Variants in FSIP2 observed in about 807,000 individuals in gnomAD.
FSIP2 encodes the protein fibrous sheath interacting protein 2.
A neutral mutation model predicts 510.5 loss-of-function variants in FSIP2; 367 were observed. The ratio of observed to expected loss-of-function variants is 0.72; its 90% CI spans 0.66 to 0.78. FSIP2 has a LOEUF of 0.78. FSIP2 is among the 30% of genes least tolerant of loss of function. FSIP2 has a pLI of 0.00. For missense variants in FSIP2, 7,594 were observed against 7,901.7 expected (o/e 0.96, Z 1.48); for synonymous variants, 2,601 against 2,732.2 (o/e 0.95, Z 1.50).
At chr2:185,755,808 G>T (rs1332199653) in intron 8 of FSIP2, among the ~76,000 whole-genome samples, 1 of 151,466 alleles carries the variant, frequency 6.6e-6, no homozygotes, top group African/African-American at 2.4e-5. Flanking sequence ...ATATATATGT[G>T]CATTTGCTTA....
At chr2:185,738,205 C>A (rs568719795), upstream of FSIP2, 31 of 228,072 alleles carry the variant, frequency 1.4e-4, 1 homozygote, top group South Asian at 1.6e-3. Flanking sequence ...CTGCCCAGTG[C>A]TTAGCTCAAT....
Position 185,739,480 on chromosome 2 carries a change from G to C in FSIP2, c.225+9G>C. 6.7e-7 allele frequency: 1 copy of C among 1,488,646 alleles called. No homozygotes were observed. The highest frequency in any genetic ancestry group is 1.3e-5 in the South Asian group (1 of 78,496). 92.2% of individuals were successfully genotyped at this position (1,488,646 alleles called of 1,614,324 possible). ...CGAATTTCGGTGAAAAGGTGAACAAGTTTTTATCGTCTTTCTTTCCTTTAC... is the reference window on the plus strand; with the variant it reads ...CGAATTTCGGTGAAAAGGTGAACAACTTTTTATCGTCTTTCTTTCCTTTAC... On this transcript the variant is annotated intron_variant, in intron 2 of 22. Transcript: ENST00000424728.
chr2:185,797,936 C>T (rs1693330364), intron 16 of FSIP2, among the ~76,000 whole-genome samples: 1 of 151,926 alleles, frequency 6.6e-6, no homozygotes, highest in African/African-American at 2.4e-5. Context: ...TGTGATCCTT[C>T]TTTCTCGGCC....
intron 22 of FSIP2, 79 bp downstream of exon 22, chr2:185,831,961 T>G: frequency 2.4e-6 from 2 of 843,982 alleles, no homozygotes; most frequent in Non-Finnish European, 4.0e-6. Context: ...TTTTTATTAC[T>G]TTCCTGGAAA....
chr2:185,764,014 T>TA (rs961273153), intron 12 of FSIP2, among the ~76,000 whole-genome samples: 1 of 151,330 alleles, frequency 6.6e-6, no homozygotes, highest in East Asian at 1.9e-4. Context: ...ATGCTAAGAA[T>TA]AAAAAAAAAT....
Position 185,805,745 on chromosome 2 carries a change from C to T in FSIP2, c.16439C>T (p.Thr5480Ile). Residue 5480 changes from threonine (T) to isoleucine (I), a missense_variant, in exon 17 of 23, where the codon ACA becomes ATA. By Grantham distance (89) the Thr-to-Ile change is moderately conservative. Coordinates refer to ENST00000424728, the MANE Select transcript of FSIP2 (RefSeq NM_173651.4). ...AAGAAAAGTTTTAAAACCAAGGACA[C>T]ATCAGTGAAAAAAGGTGACATCCAA... is the stretch of plus-strand genomic sequence containing the variant. ...NRKKSFKTKDTSVKKGDIQNP... is the reference protein window; with the variant it reads ...NRKKSFKTKDISVKKGDIQNP... 1.9e-6 allele frequency: 3 copies of T among 1,600,980 alleles called. No homozygotes were observed. Among genetic ancestry groups the T allele is most frequent in the South Asian group, 1.1e-5 (1 of 88,490 alleles).
At chr2:185,783,028 C>T (rs936219563) in intron 14 of FSIP2, among the ~76,000 whole-genome samples, 1 of 152,126 alleles carries the variant, frequency 6.6e-6, no homozygotes, top group South Asian at 2.1e-4. Context: ...GCATCATAGC[C>T]TTCTTCCGGT....
rs1403861660 is a variant in FSIP2, at chr2:185,762,010, T to C, written c.1233T>C (p.Asp411=). ...TATCTAAAAACTCAAGTATTTTCGA[T>C]GATAGAGGTAAGAAAATAAACAATA... is the stretch of plus-strand genomic sequence containing the variant. ...GMVSKNSSIF[D]DRGGINISGQ... Residue 411 remains aspartate (D), a synonymous_variant, in exon 11 of 23, where the codon GAT becomes GAC. Transcript: ENST00000424728. 1 of 1,451,616 alleles carries C rather than the reference T, an allele frequency of 6.9e-7. No homozygotes were observed. The highest frequency in any genetic ancestry group is 9.3e-7 in the Non-Finnish European group (1 of 1,073,170). The allele number at this position is 1,451,616 out of a possible 1,614,324, so 89.9% of individuals were successfully genotyped here.
rs1574194089 is a variant in FSIP2 at position 185,802,307 on chromosome 2, T to C, written c.13001T>C (p.Met4334Thr). ...KHNTEIELKN[M>T]TQRIVNSINR... ...AACACTGAAATTGAGTTGAAAAACATGACCCAAAGAATAGTAAACTCCATA... is the reference window on the plus strand; with the variant it reads ...AACACTGAAATTGAGTTGAAAAACACGACCCAAAGAATAGTAAACTCCATA... The change falls in exon 17 of 23, where the codon ATG becomes ACG. Residue 4334 changes from methionine to threonine, a missense_variant. Coordinates refer to ENST00000424728, the MANE Select transcript of FSIP2 (RefSeq NM_173651.4). 6.5e-7 allele frequency: 1 copy of C among 1,533,838 alleles called. No homozygotes were observed. The highest frequency in any genetic ancestry group is 2.4e-5 in the East Asian group (1 of 40,846).
chr2:185,765,374 T>C (rs1247692920), intron 13 of FSIP2: 18 of 152,130 alleles, frequency 1.2e-4, no homozygotes, highest in Admixed American at 1.2e-3. Flanking sequence ...CTAGCCAGTT[T>C]TCCCAGCACC....
chr2:185,819,903 T>C (rs1041204603), intron 19 of FSIP2, among the ~76,000 whole-genome samples: 15 of 151,966 alleles, frequency 9.9e-5, no homozygotes, highest in Non-Finnish European at 1.5e-5. Flanking sequence ...GAGGAACATC[T>C]GCATGCACCA....
Position 185,801,569 on chromosome 2 carries a change from T to G in FSIP2, c.12263T>G (p.Leu4088Ter). The G allele has an allele frequency of 6.5e-7, 1 of 1,534,252 alleles. No homozygotes were observed. The highest frequency in any genetic ancestry group is 8.7e-7 in the Non-Finnish European group (1 of 1,145,672). The change falls in exon 17 of 23, where the codon TTA (leucine) becomes TGA (stop). Residue 4088 changes from leucine to a stop codon, truncating the protein, a stop_gained. Transcript: ENST00000424728. LOFTEE classifies it high-confidence loss of function. The part of the protein sequence containing the change: ...QITNGILLEI[L>*]DYKLPSCFKE... ...ACAAATGGCATATTGTTAGAGATTT[T>G]AGACTACAAACTGCCATCTTGCTTC...
Position 185,807,144 on chromosome 2 carries a change from A to G in FSIP2, c.17838A>G (p.Ala5946=), listed in dbSNP as rs769281491. 6 of 1,601,628 alleles carry G rather than the reference A, an allele frequency of 3.7e-6. No homozygotes were observed. The highest frequency in any genetic ancestry group is 5.1e-6 in the Non-Finnish European group (6 of 1,175,858). The change falls in exon 17 of 23, where the codon GCA becomes GCG. Residue 5946 remains alanine, a synonymous_variant. Transcript: ENST00000424728. ...KNINSNGENL[A]RRLTSAVINE... ...TAAACAGTAATGGAGAAAATTTAGC[A>G]AGAAGACTAACTAGTGCAGTGATAA...
intron 13 of FSIP2, among the ~76,000 whole-genome samples, chr2:185,779,192 C>T (rs545478913): frequency 2.0e-4 from 30 of 151,998 alleles, no homozygotes; most frequent in South Asian, 2.1e-4. Context: ...TACAAATCTT[C>T]GGAAGTTTTC....
rs145347882 is a variant in FSIP2, at chr2:185,798,109, G to C, written c.10390+583G>C. The stretch of plus-strand genomic sequence containing the variant: ...CTATCTACAAATGAGAGAAAATGAG[G>C]CCATTTTAAAGCAGGAGATTTTGGT... On this transcript the variant is annotated intron_variant, in intron 16 of 22. Transcript: ENST00000424728. 6.9e-3 allele frequency among the ~76,000 whole-genome samples: 1,047 copies of C among 151,968 alleles called. 18 individuals are homozygous for C. The highest frequency in any genetic ancestry group is 0.024 in the African/African-American group (1,013 of 41,524).
intron 17 of FSIP2, among the ~76,000 whole-genome samples, chr2:185,811,307 A>T (rs1693723474): frequency 6.6e-6 from 1 of 151,832 alleles, no homozygotes; most frequent in Non-Finnish European, 1.5e-5. Flanking sequence ...CATCTCCACT[A>T]AAAATACAAA....
Position 185,802,216 on chromosome 2 carries a change from C to T in FSIP2, c.12910C>T (p.His4304Tyr), listed in dbSNP as rs771344481. 1.6e-4 allele frequency: 243 copies of T among 1,533,474 alleles called. 1 individual carries two copies. Among genetic ancestry groups the T allele is most frequent in the African/African-American group, 6.9e-5 (5 of 72,850 alleles). 95.0% of individuals were successfully genotyped at this position (1,533,474 alleles called of 1,614,324 possible). A position where few individuals can be genotyped will look rare whatever the true frequency, so the allele number is the denominator to read the frequency against. Residue 4304 changes from histidine (H) to tyrosine (Y), a missense_variant, in exon 17 of 23, where the codon CAC becomes TAC. Coordinates refer to ENST00000424728, the MANE Select transcript of FSIP2 (RefSeq NM_173651.4). ...TCAGAAGCAATCACCTTTAGATATTCACCTTGATTCATTTGTAAGGGAGAT... is the reference window on the plus strand; with the variant it reads ...TCAGAAGCAATCACCTTTAGATATTTACCTTGATTCATTTGTAAGGGAGAT... The part of the protein sequence containing the change: ...RPQKQSPLDI[H>Y]LDSFVREIVA...
At chr2:185,812,204 T>G (rs1348134410) in intron 17 of FSIP2, among the ~76,000 whole-genome samples, 1 of 152,140 alleles carries the variant, frequency 6.6e-6, no homozygotes, top group African/African-American at 2.4e-5. Flanking sequence ...GGGGCAGGAC[T>G]GCCCAAGGCC....
intron 7 of FSIP2, among the ~76,000 whole-genome samples, chr2:185,751,540 C>T (rs971474129): frequency 2.3e-4 from 34 of 148,830 alleles, no homozygotes; most frequent in Middle Eastern, 3.5e-3. Flanking sequence ...CATATCAAAT[C>T]TGACAACCGC....
Sources: gnomAD v4.1 joint callset for allele counts (sites outside exome capture counted in the v4.1 genomes callset) on GRCh38, gnomAD v4.1.1 for gene constraint, MANE v1.5 for transcripts, NCBI Gene and HGNC (gene_info 2026-07-23, HGNC 2026-07-21) for gene names.